SHOC2: variants seen among roughly 807,000 people sequenced by gnomAD.
SHOC2 encodes the protein SHOC2 leucine rich repeat scaffold protein.
Under a neutral mutation model 50.2 loss-of-function variants are expected in SHOC2, and 4 were observed. The observed-to-expected ratio is 0.08, with a 90% confidence interval of 0.04 to 0.18. The LOEUF is 0.18. SHOC2 is among the 10% of genes least tolerant of loss of function. The pLI is 1.00. For missense variants in SHOC2, 388 were observed against 669.6 expected (o/e 0.58, Z 4.64); for synonymous variants, 218 against 244.5 (o/e 0.89, Z 1.01).
chr10:110,990,258 T>G (rs1391484088), intron 3 of SHOC2, among the ~76,000 whole-genome samples: 1 of 152,202 alleles, frequency 6.6e-6, no homozygotes, highest in Non-Finnish European at 1.5e-5. Context: ...AGTCTTTATG[T>G]CTAGCTCAGG....
chr10:110,928,949 A>G (rs1846833570), intron 1 of SHOC2, among the ~76,000 whole-genome samples: 6 of 152,190 alleles, frequency 3.9e-5, no homozygotes, highest in Admixed American at 3.9e-4. Flanking sequence ...TAATACCTTA[A>G]TGCATATGAA....
intron 3 of SHOC2, among the ~76,000 whole-genome samples, chr10:110,994,404 A>G (rs777303437): frequency 2.0e-5 from 3 of 152,198 alleles, no homozygotes; most frequent in African/African-American, 4.8e-5. Context: ...AAAATTTTAA[A>G]TATCTATATC....
At chr10:110,920,309 A>G (rs964826288) in intron 1 of SHOC2, among the ~76,000 whole-genome samples, 2 of 151,646 alleles carry the variant, frequency 1.3e-5, no homozygotes, top group Admixed American at 6.6e-5. Flanking sequence ...CCCGATGGCA[A>G]CCTCTCCCCG....
intron 1 of SHOC2, among the ~76,000 whole-genome samples, chr10:110,945,041 A>G (rs1847221053): frequency 6.6e-6 from 1 of 152,208 alleles, no homozygotes; most frequent in African/African-American, 2.4e-5. Context: ...ATTCCCAGTA[A>G]TATGTCAGAG....
intron 2 of SHOC2, among the ~76,000 whole-genome samples, chr10:110,972,991 G>A (rs991750426): frequency 6.6e-6 from 1 of 152,164 alleles, no homozygotes; most frequent in African/African-American, 2.4e-5. Context: ...CAAAATCAGA[G>A]GAGCATTGTC....
Position 110,953,693 on chromosome 10 carries a change from T to G in SHOC2, c.-234-10432T>G, listed in dbSNP as rs115151551. 5.1e-4 allele frequency among the ~76,000 whole-genome samples: 78 copies of G among 151,774 alleles called. 1 individual carries two copies. Among genetic ancestry groups the G allele is most frequent in the African/African-American group, 1.7e-3 (72 of 41,410 alleles). On this transcript the variant is annotated intron_variant, in intron 1 of 8. Transcript: ENST00000369452. ...ACTTGTGCGTAGTTACAGTAAATCT[T>G]TGAGAGAGAGATATATATATACACA...
intron 1 of SHOC2, among the ~76,000 whole-genome samples, chr10:110,945,394 C>A (rs1847227877): frequency 1.3e-5 from 2 of 152,196 alleles, no homozygotes; most frequent in African/African-American, 4.8e-5. Flanking sequence ...TTCAAGACTA[C>A]TGTGGATCTG....
chr10:110,930,137 A>G (rs1030654628), intron 1 of SHOC2, among the ~76,000 whole-genome samples: 2 of 152,204 alleles, frequency 1.3e-5, no homozygotes, highest in Non-Finnish European at 2.9e-5. Flanking sequence ...CCAAATTATA[A>G]AAGTTCTATT....
intron 1 of SHOC2, among the ~76,000 whole-genome samples, chr10:110,946,729 C>G (rs1227527290): frequency 6.6e-6 from 1 of 152,032 alleles, no homozygotes; most frequent in Non-Finnish European, 1.5e-5. Context: ...ATGCAAGTAC[C>G]TAGCGGGGAG....
intron 1 of SHOC2, among the ~76,000 whole-genome samples, chr10:110,929,419 T>G (rs1042258576): frequency 1.2e-4 from 18 of 152,206 alleles, no homozygotes; most frequent in Non-Finnish European, 7.3e-5. Flanking sequence ...TATCAAAGCT[T>G]CTGATGTGGG....
rs555366553 is a variant in SHOC2, at chr10:110,960,868, C to T, written c.-234-3257C>T. 2.0e-4 allele frequency among the ~76,000 whole-genome samples: 31 copies of T among 151,884 alleles called. No individual in the cohort carries two copies. In the South Asian group the frequency reaches 4.8e-3, roughly 23 times the overall value. ...TTTTTGTATTTTTTAGTAGAGATGGCGTTTCACCATGTTGGTCAGGCTGGT... is the reference window on the plus strand; with the variant it reads ...TTTTTGTATTTTTTAGTAGAGATGGTGTTTCACCATGTTGGTCAGGCTGGT... On this transcript the variant is annotated intron_variant, in intron 1 of 8. Transcript: ENST00000369452.
At chr10:110,991,543 A>G (rs1462373715) in intron 3 of SHOC2, among the ~76,000 whole-genome samples, 3 of 152,210 alleles carry the variant, frequency 2.0e-5, no homozygotes. Context: ...TGTTACTCTG[A>G]GTAAATGGCA....
chr10:110,969,955 A>T (rs1847748281), intron 2 of SHOC2, among the ~76,000 whole-genome samples: 1 of 152,248 alleles, frequency 6.6e-6, no homozygotes, highest in Admixed American at 6.5e-5. Flanking sequence ...ATGTTTCCAT[A>T]CATGTATACA....
intron 1 of SHOC2, chr10:110,937,259 CTT>C (rs80353363): frequency 5.1e-3 from 3,629 of 716,280 alleles, no homozygotes; most frequent in Admixed American, 6.6e-3. Flanking sequence ...GGGAAAGCTG[CTT>C]TTTTTTTTTT....
Position 110,927,477 on chromosome 10 carries a change from G to A in SHOC2, c.-235+7820G>A, listed in dbSNP as rs538635658. 3.6e-4 allele frequency among the ~76,000 whole-genome samples: 55 copies of A among 152,266 alleles called. 1 individual carries two copies. The highest frequency in any genetic ancestry group is 1.3e-3 in the African/African-American group (52 of 41,552). On this transcript the variant is annotated intron_variant, in intron 1 of 8. Transcript: ENST00000369452. Reference sequence around the variant, plus strand: ...CTTATATACTAGGCAGCTTAAAATAGTAAGGTTTTATGATTTAATCTTGAA... The same window carrying A: ...CTTATATACTAGGCAGCTTAAAATAATAAGGTTTTATGATTTAATCTTGAA...
At chr10:110,980,419 G>A (rs1422949488) in intron 2 of SHOC2, among the ~76,000 whole-genome samples, 2 of 152,052 alleles carry the variant, frequency 1.3e-5, no homozygotes, top group African/African-American at 4.8e-5. Context: ...GCCTCCCAAA[G>A]TGTCCTGTCA....
intron 2 of SHOC2, among the ~76,000 whole-genome samples, chr10:110,975,848 G>T (rs544417259): frequency 2.4e-4 from 36 of 151,878 alleles, no homozygotes; most frequent in Non-Finnish European, 4.0e-4. Flanking sequence ...AGACTATGCA[G>T]ATACCTTGTT....
intron 2 of SHOC2, among the ~76,000 whole-genome samples, chr10:110,972,750 T>C (rs150817143): frequency 4.3e-4 from 65 of 151,508 alleles, no homozygotes; most frequent in African/African-American, 1.4e-3. Context: ...GGTGGGAGAG[T>C]CACCTGAGTC....
At chr10:110,970,208 C>G (rs1414701572) in intron 2 of SHOC2, among the ~76,000 whole-genome samples, 1 of 152,156 alleles carries the variant, frequency 6.6e-6, no homozygotes, top group Non-Finnish European at 1.5e-5. Flanking sequence ...CTCCCCAACC[C>G]CCGCCACCCT....
Sources: allele counts gnomAD v4.1 joint callset (sites outside exome capture counted in the v4.1 genomes callset), GRCh38; gene constraint gnomAD v4.1.1; transcripts MANE v1.5; gene names NCBI Gene and HGNC (gene_info 2026-07-23, HGNC 2026-07-21).